The following CRBN variants were observed in gnomAD, a reference collection of about 807,000 sequenced individuals.
CRBN encodes cereblon.
In CRBN, 53 loss-of-function variants were observed where a neutral mutation model predicts 62.2. The observed-to-expected ratio is 0.85, with a 90% confidence interval of 0.68 to 1.07. The LOEUF (loss-of-function observed/expected upper bound fraction) is 1.07, where lower values mean the gene tolerates loss of function less well. CRBN is among the 50% of genes least tolerant of loss of function. The pLI is 0.00. For missense variants in CRBN, 616 were observed against 531.1 expected (o/e 1.16, Z -1.57); for synonymous variants, 208 against 176.1 (o/e 1.18, Z -1.43).
intron 3 of CRBN, among the ~76,000 whole-genome samples, chr3:3,173,621 T>C (rs778656377): frequency 6.6e-6 from 1 of 152,152 alleles, no homozygotes; most frequent in Non-Finnish European, 1.5e-5. Flanking sequence ...TTATTTGCCA[T>C]GGGATACTTA....
At chr3:3,173,550 C>T (rs1038759181) in intron 3 of CRBN, among the ~76,000 whole-genome samples, 3 of 152,176 alleles carry the variant, frequency 2.0e-5, no homozygotes, top group Non-Finnish European at 2.9e-5. Flanking sequence ...TGCTTACTGG[C>T]AGCACTGTAC....
intron 6 of CRBN, chr3:3,155,185 C>T (rs919460009): frequency 4.1e-6 from 1 of 242,056 alleles, no homozygotes; most frequent in African/African-American, 2.2e-5. Context: ...CTATAAATTG[C>T]ACTAGCACTT....
chr3:3,152,322 T>G lies in CRBN; in HGVS notation c.1148+134A>C, dbSNP rs568673570. On this transcript the variant is annotated intron_variant, in intron 10 of 10. Transcript: ENST00000231948. ...CCCCTGCCCCCATACCCGGCTAATT[T>G]TTGTAGCAAATTACTCATTTGTCTG... The G allele has an allele frequency of 4.0e-6, 4 of 1,007,322 alleles. No individual in the cohort carries two copies. In the South Asian group the frequency reaches 5.9e-5, roughly 15 times the overall value. The allele number at this position is 1,007,322 out of a possible 1,614,324, so 62.4% of individuals were successfully genotyped here.
At position 3,160,640 on chromosome 3, in the gene CRBN, TTA is replaced by T. The variant is rs1707101115; in HGVS notation, c.688-4361_688-4360del. ...TCAATAAATGTTACTGTTCTTACGA[TTA>T]TTATCCTGGAACAAGGTGAAACAGA... On this transcript the variant is annotated intron_variant, in intron 5 of 10. Transcript: ENST00000231948. Among the ~76,000 whole-genome samples the T allele has an allele frequency of 3.3e-5, 5 of 152,336 alleles. 1 individual carries two copies. The South Asian group carries it at 1.0e-3, about 32-fold the overall frequency.
At chr3:3,162,428 T>G (rs1707179986) in intron 5 of CRBN, among the ~76,000 whole-genome samples, 1 of 151,972 alleles carries the variant, frequency 6.6e-6, no homozygotes, top group Non-Finnish European at 1.5e-5. Context: ...GTTTCAGAGC[T>G]CAAATTCCAG....
chr3:3,154,567 T>C (rs936256262), intron 7 of CRBN, 180 bp downstream of exon 7: 5 of 566,212 alleles, frequency 8.8e-6, no homozygotes, highest in African/African-American at 8.4e-5. Flanking sequence ...AGGATTTTAT[T>C]GCAATTAATT....
In CRBN at chr3:3,150,758, G is replaced by C; in HGVS notation, c.*107C>G. 9.5e-7 allele frequency: 1 copy of C among 1,050,780 alleles called. No individual in the cohort carries two copies. Among genetic ancestry groups the C allele is most frequent in the Non-Finnish European group, 1.4e-6 (1 of 712,576 alleles). 65.1% of individuals were successfully genotyped at this position (1,050,780 alleles called of 1,614,324 possible). ...CTCCAAGTAATGTTATGTTTACTTA[G>C]GTATTAATGTTATGTTTACTTAGGT... On this transcript the variant is annotated 3_prime_UTR_variant, in exon 11 of 11. Coordinates refer to ENST00000231948, the MANE Select transcript of CRBN (RefSeq NM_016302.4).
chr3:3,158,449 A>G (rs547433155), intron 5 of CRBN, among the ~76,000 whole-genome samples: 1 of 152,326 alleles, frequency 6.6e-6, no homozygotes, highest in African/African-American at 2.4e-5. Context: ...TTAAAGCCTG[A>G]GGAGTCAGAC....
Position 3,150,837 on chromosome 3 carries a change from T to C in CRBN, c.*28A>G. 6.4e-7 allele frequency: 1 copy of C among 1,559,408 alleles called. No individual in the cohort carries two copies. The highest frequency in any genetic ancestry group is 8.7e-7 in the Non-Finnish European group (1 of 1,144,848). On this transcript the variant is annotated 3_prime_UTR_variant, in exon 11 of 11. Transcript: ENST00000231948. ...AGATCTTAGAATATAACCAATTTGT[T>C]AGATAACTTTATCTCTATCACATCT...
In CRBN at chr3:3,172,685, A is replaced by T. The variant is rs1485715822; in HGVS notation, c.527+91T>A. ...GAGAACAACTAGTTAAAAGTTACAA[A>T]ATATGAAGGCTCAGTAGAACAGAAA... On this transcript the variant is annotated intron_variant, in intron 4 of 10. Transcript: ENST00000231948. The T allele has an allele frequency of 3.7e-6, 5 of 1,367,854 alleles. No individual in the cohort carries two copies. The Admixed American group carries it at 8.4e-5, about 23-fold the overall frequency. 84.7% of individuals were successfully genotyped at this position (1,367,854 alleles called of 1,614,324 possible). A position where few individuals can be genotyped will look rare whatever the true frequency, so the allele number is the denominator to read the frequency against.
intron 1 of CRBN, 142 bp downstream of exon 1, chr3:3,179,479 G>C (rs369373909): frequency 8.1e-6 from 6 of 741,186 alleles, no homozygotes; most frequent in Non-Finnish European, 1.4e-5. Flanking sequence ...GGGCCGACGT[G>C]AAGCAGCTTT....
chr3:3,153,631 CTT>C, intron 8 of CRBN, 143 bp from the exon 9 acceptor site: 1 of 675,436 alleles, frequency 1.5e-6, no homozygotes, highest in Admixed American at 2.4e-5. Flanking sequence ...TTCAAAAACA[CTT>C]TTAAAGATGG....
In CRBN at chr3:3,154,753, G is replaced by T; in HGVS notation, c.829C>A (p.Pro277Thr). 1 of 1,583,684 alleles carries T rather than the reference G, an allele frequency of 6.3e-7. No individual in the cohort carries two copies. Among genetic ancestry groups the T allele is most frequent in the Non-Finnish European group, 8.7e-7 (1 of 1,152,676 alleles). The change falls in exon 7 of 11, where the codon CCA becomes ACA. Residue 277 changes from proline (P) to threonine (T), a missense_variant. By Grantham distance (38) the Pro-to-Thr change is conservative (BLOSUM62 -1). Coordinates refer to ENST00000231948, the MANE Select transcript of CRBN (RefSeq NM_016302.4). ...NLKDDSLPSN[P>T]IDFSYRVAAC... ...GGAAACTAACTTTTCATACCTATTGGATTTGAAGGAAGAGAATCATCTTTT... is the reference window on the plus strand; with the variant it reads ...GGAAACTAACTTTTCATACCTATTGTATTTGAAGGAAGAGAATCATCTTTT...
At chr3:3,154,282 G>A in intron 7 of CRBN, 2 of 558,932 alleles carry the variant, frequency 3.6e-6, no homozygotes, top group Non-Finnish European at 6.3e-6. Context: ...TACTTTTTTT[G>A]GTAAAATCCT....
At chr3:3,176,587 T>C (rs1707832504) in intron 1 of CRBN, among the ~76,000 whole-genome samples, 2 of 152,058 alleles carry the variant, frequency 1.3e-5, no homozygotes, top group Admixed American at 6.6e-5. Context: ...AACACAAAAG[T>C]TAGCCGGGTG....
chr3:3,174,006 T>C lies in CRBN; in HGVS notation c.377+53A>G, dbSNP rs976982632. On this transcript the variant is annotated intron_variant, in intron 3 of 10. Coordinates refer to ENST00000231948, the MANE Select transcript of CRBN (RefSeq NM_016302.4). ...CTGCTTTGGCTTCAACACTGACCAC[T>C]GCAATTACCCATGAGAGGGAATGTA... 40 of 1,456,752 alleles carry C rather than the reference T, an allele frequency of 2.7e-5. No homozygotes were observed. In the East Asian group the frequency reaches 7.7e-4, roughly 28 times the overall value. The allele number at this position is 1,456,752 out of a possible 1,614,324, so 90.2% of individuals were successfully genotyped here. A position where few individuals can be genotyped will look rare whatever the true frequency, so the allele number is the denominator to read the frequency against.
At chr3:3,164,349 T>C (rs1199533887) in intron 5 of CRBN, among the ~76,000 whole-genome samples, 1 of 152,184 alleles carries the variant, frequency 6.6e-6, no homozygotes, top group Non-Finnish European at 1.5e-5. Flanking sequence ...GCTACTCTGG[T>C]GAAAGCCAAA....
intron 5 of CRBN, among the ~76,000 whole-genome samples, chr3:3,166,443 C>G (rs781564227): frequency 3.3e-5 from 5 of 152,116 alleles, no homozygotes; most frequent in Admixed American, 6.6e-5. Context: ...TTGGTTATGT[C>G]TTTATCGGCA....
chr3:3,167,546 A>G, intron 5 of CRBN, 88 bp downstream of exon 5: 2 of 1,306,584 alleles, frequency 1.5e-6, no homozygotes, highest in Admixed American at 1.8e-5. Flanking sequence ...TGGGTAATGA[A>G]TCATGAAAGT....
Sources: gnomAD v4.1 joint callset for allele counts (sites outside exome capture counted in the v4.1 genomes callset) on GRCh38, gnomAD v4.1.1 for gene constraint, MANE v1.5 for transcripts, NCBI Gene and HGNC (gene_info 2026-07-23, HGNC 2026-07-21) for gene names.